The following NOS1AP variants were observed in gnomAD, a reference collection of about 807,000 sequenced individuals.
NOS1AP encodes the protein carboxyl-terminal PDZ ligand of neuronal nitric oxide synthase protein.
A neutral mutation model predicts 56.2 loss-of-function variants in NOS1AP; 21 were observed. That is an observed-to-expected ratio of 0.37 (90% CI 0.26 to 0.54). NOS1AP has a LOEUF of 0.54. NOS1AP is among the 20% of genes least tolerant of loss of function. The probability of loss-of-function intolerance (pLI) is 0.84; values close to 1 mark genes in which losing one functional copy is unlikely to be tolerated. For missense variants in NOS1AP, 522 were observed against 657.8 expected (o/e 0.79, Z 2.26); for synonymous variants, 270 against 274.6 (o/e 0.98, Z 0.17).
intron 2 of NOS1AP, among the ~76,000 whole-genome samples, chr1:162,227,246 C>T (rs1652976163): frequency 6.6e-6 from 1 of 152,106 alleles, no homozygotes; most frequent in Admixed American, 6.6e-5. Flanking sequence ...AAATTTTTCA[C>T]ACATATGAGC....
chr1:162,305,418 A>G (rs1242218539), intron 4 of NOS1AP, among the ~76,000 whole-genome samples: 1 of 151,780 alleles, frequency 6.6e-6, no homozygotes, highest in East Asian at 1.9e-4. Flanking sequence ...CCTTTATTAC[A>G]GTATACCTCT....
At chr1:162,137,415 A>ATC (rs142326754) in intron 1 of NOS1AP, among the ~76,000 whole-genome samples, 8,019 of 152,098 alleles carry the variant, frequency 0.053, 285 homozygotes, top group African/African-American at 0.092. Context: ...AAGGTTTTCC[A>ATC]TCTATTGATC....
intron 2 of NOS1AP, among the ~76,000 whole-genome samples, chr1:162,261,754 G>A (rs1233394312): frequency 6.6e-6 from 1 of 152,138 alleles, no homozygotes; most frequent in Non-Finnish European, 1.5e-5. Context: ...CAGAGAATAA[G>A]TTTGTGTTAT....
intron 4 of NOS1AP, among the ~76,000 whole-genome samples, chr1:162,318,482 C>T (rs1656301375): frequency 6.6e-6 from 1 of 152,164 alleles, no homozygotes; most frequent in African/African-American, 2.4e-5. Context: ...TCTTTCCACC[C>T]TTCTGGAGAC....
chr1:162,366,533 C>A (rs901194563), intron 9 of NOS1AP, among the ~76,000 whole-genome samples: 5 of 152,232 alleles, frequency 3.3e-5, no homozygotes, highest in Admixed American at 2.6e-4. Flanking sequence ...TGCGTCTTTC[C>A]TACTGAGATC....
intron 2 of NOS1AP, among the ~76,000 whole-genome samples, chr1:162,234,985 TGA>T (rs1446638184): frequency 8.5e-5 from 13 of 152,362 alleles, no homozygotes; most frequent in African/African-American, 3.1e-4. Flanking sequence ...TTCCCTGGGC[TGA>T]GTTTGCTCAT....
intron 1 of NOS1AP, among the ~76,000 whole-genome samples, chr1:162,119,562 TTC>T (rs998428862): frequency 6.6e-5 from 10 of 152,216 alleles, no homozygotes; most frequent in African/African-American, 2.4e-4. Flanking sequence ...ACTGCTGCTA[TTC>T]TTTTTTTATT....
intron 1 of NOS1AP, among the ~76,000 whole-genome samples, chr1:162,129,646 C>G (rs1443745276): frequency 2.0e-5 from 3 of 152,168 alleles, no homozygotes; most frequent in African/African-American, 7.2e-5. Context: ...GTTATTGATT[C>G]TGTTTTATTA....
rs968286308 is a variant in NOS1AP, at chr1:162,188,882, T to G, written c.177+34406T>G. Among the ~76,000 whole-genome samples, 2 of 151,852 alleles carry G rather than the reference T, an allele frequency of 1.3e-5. No homozygotes were observed. The highest frequency in any genetic ancestry group is 4.8e-5 in the African/African-American group (2 of 41,332). On this transcript the variant is annotated intron_variant, in intron 2 of 9. Transcript: ENST00000361897. The surrounding 1 kb of genome is among the most constrained non-coding windows in gnomAD (Gnocchi z 4.0). ...GCCTGGCCAACCTGGTCAGGAGTATTTTTAGAAACTCCATCTCTAAAAATA... is the reference window on the plus strand; with the variant it reads ...GCCTGGCCAACCTGGTCAGGAGTATGTTTAGAAACTCCATCTCTAAAAATA...
rs1040191066 is a variant in NOS1AP, at chr1:162,367,656, T to A, written c.*189T>A. ...GGGTAAAGTGGGGAAGAAATCGGAT[T>A]CCCAGAGGTGAATCAGCTCCTCTCC... On this transcript the variant is annotated 3_prime_UTR_variant, in exon 10 of 10. Transcript: ENST00000361897. This position sits in a 1 kb window ranked among gnomAD's most constrained non-coding sequence, Gnocchi z 6.5. 3.9e-5 allele frequency: 26 copies of A among 668,060 alleles called. No individual in the cohort carries two copies. In the African/African-American group the frequency reaches 4.2e-4, roughly 11 times the overall value. 41.4% of individuals were successfully genotyped at this position (668,060 alleles called of 1,614,324 possible).
At chr1:162,214,905 A>G (rs1211766735) in intron 2 of NOS1AP, among the ~76,000 whole-genome samples, 1 of 152,182 alleles carries the variant, frequency 6.6e-6, no homozygotes, top group Non-Finnish European at 1.5e-5. Context: ...CTAATTTACC[A>G]TCGTTATTAA....
chr1:162,237,677 C>G (rs1446018337), intron 2 of NOS1AP, among the ~76,000 whole-genome samples: 3 of 152,172 alleles, frequency 2.0e-5, no homozygotes, highest in Non-Finnish European at 4.4e-5. Context: ...TAACTGAGTC[C>G]TTTATTACTT....
intron 1 of NOS1AP, among the ~76,000 whole-genome samples, chr1:162,071,384 C>T (rs948669187): frequency 6.6e-6 from 1 of 152,242 alleles, no homozygotes; most frequent in Non-Finnish European, 1.5e-5. Flanking sequence ...ATTATTCCAT[C>T]AGGTGTCTTC....
At chr1:162,118,064 A>T (rs1190017619) in intron 1 of NOS1AP, among the ~76,000 whole-genome samples, 1 of 152,264 alleles carries the variant, frequency 6.6e-6, no homozygotes, top group African/African-American at 2.4e-5. Flanking sequence ...TAAAAAGATT[A>T]TGAAATGTTT....
chr1:162,123,270 C>T (rs552245732), intron 1 of NOS1AP, among the ~76,000 whole-genome samples: 1 of 152,320 alleles, frequency 6.6e-6, no homozygotes, highest in Admixed American at 6.5e-5. Context: ...TTCCTGGGTT[C>T]AAGCAATTCT....
At chr1:162,086,549 T>G (rs928809047) in intron 1 of NOS1AP, among the ~76,000 whole-genome samples, 27 of 152,132 alleles carry the variant, frequency 1.8e-4, no homozygotes, top group African/African-American at 6.5e-4. Context: ...AGGTGTGCCA[T>G]TGGTCTTGAA....
intron 3 of NOS1AP, among the ~76,000 whole-genome samples, chr1:162,287,678 G>A (rs1655131870): frequency 6.6e-6 from 1 of 151,788 alleles, no homozygotes; most frequent in Admixed American, 6.6e-5. Flanking sequence ...GTCACCTCCT[G>A]TCATCCATGC....
intron 2 of NOS1AP, among the ~76,000 whole-genome samples, chr1:162,216,507 A>G (rs1447087529): frequency 6.6e-6 from 1 of 152,142 alleles, no homozygotes; most frequent in Non-Finnish European, 1.5e-5. Context: ...GGTGACTTGC[A>G]TTTTAGTCTC....
At chr1:162,287,566 CAGCAATGG>C in intron 3 of NOS1AP, 130 bp downstream of exon 3, 1 of 743,136 alleles carries the variant, frequency 1.3e-6, no homozygotes, top group Non-Finnish European at 2.4e-6. Flanking sequence ...CTGCTTTGAG[CAGCAATGG>C]TGCTGACAGG....
Sources: gnomAD v4.1 joint callset for allele counts (sites outside exome capture counted in the v4.1 genomes callset) on GRCh38, gnomAD v4.1.1 for gene constraint, Gnocchi (gnomAD v3.1) non-coding constraint, MANE v1.5 for transcripts, NCBI Gene and HGNC (gene_info 2026-07-23, HGNC 2026-07-21) for gene names.